The following PIAS2 variants were observed in gnomAD, a reference collection of about 807,000 sequenced individuals.
PIAS2 encodes the protein protein inhibitor of activated STAT 2, also known as E3 SUMO-protein ligase PIAS2.
A neutral mutation model predicts 69.7 loss-of-function variants in PIAS2; 19 were observed. The ratio of observed to expected loss-of-function variants is 0.27; its 90% confidence interval spans 0.19 to 0.40. The LOEUF is 0.40. PIAS2 is among the 10% of genes least tolerant of loss of function. The probability of loss-of-function intolerance (pLI) is 1.00; values close to 1 mark genes in which losing one functional copy is unlikely to be tolerated. For synonymous variants in PIAS2, 261 were observed against 263.2 expected, an observed-to-expected ratio of 0.99 and a Z score of 0.08; for missense variants, 624 against 757.0, an observed-to-expected ratio of 0.82 and a Z score of 2.06.
chr18:46,819,090 T>C (rs897683474), intron 12 of PIAS2, among the ~76,000 whole-genome samples: 1 of 152,142 alleles, frequency 6.6e-6, no homozygotes, highest in Non-Finnish European at 1.5e-5. Flanking sequence ...ATGCTACTGC[T>C]AAATGGTAGG....
At position 46,846,593 on chromosome 18, in the gene PIAS2, T is replaced by C. The variant is rs2046196975; in HGVS notation, c.861+114A>G. 5.6e-6 allele frequency: 6 copies of C among 1,070,418 alleles called. 1 individual carries two copies. Among genetic ancestry groups the C allele is most frequent in the Middle Eastern group, 4.5e-4 (2 of 4,460 alleles). 66.3% of individuals were successfully genotyped at this position (1,070,418 alleles called of 1,614,324 possible). ...CTCTAAACTGAAAATTACTGCTTTT[T>C]AGAGATTACAATCCAAAAACAGAAA... On this transcript the variant is annotated intron_variant, in intron 6 of 13. Coordinates refer to ENST00000585916, the MANE Select transcript of PIAS2 (RefSeq NM_004671.5).
chr18:46,832,391 G>C (rs1017300143), intron 9 of PIAS2, among the ~76,000 whole-genome samples: 4 of 151,716 alleles, frequency 2.6e-5, no homozygotes, highest in Non-Finnish European at 5.9e-5. Flanking sequence ...ACTCCAGCCT[G>C]GGCGACAGAG....
chr18:46,836,081 T>G (rs2044379318), intron 9 of PIAS2, among the ~76,000 whole-genome samples: 1 of 152,214 alleles, frequency 6.6e-6, no homozygotes, highest in Non-Finnish European at 1.5e-5. Context: ...AAAGCAAACT[T>G]TTCCCTCTTT....
chr18:46,840,270 CAA>C (rs776380049), intron 8 of PIAS2, among the ~76,000 whole-genome samples: 1 of 152,080 alleles, frequency 6.6e-6, no homozygotes, highest in Non-Finnish European at 1.5e-5. Context: ...TTTTAAAAGA[CAA>C]GAGTACACAA....
At chr18:46,857,818 G>A (rs989177514) in intron 3 of PIAS2, among the ~76,000 whole-genome samples, 6 of 152,160 alleles carry the variant, frequency 3.9e-5, no homozygotes, top group African/African-American at 1.2e-4. Flanking sequence ...ACTGTTCTAG[G>A]AAGTTTTACA....
At chr18:46,874,973 T>G (rs1206090423) in intron 2 of PIAS2, among the ~76,000 whole-genome samples, 2 of 151,876 alleles carry the variant, frequency 1.3e-5, no homozygotes, top group African/African-American at 2.4e-5. Context: ...GTGAAAGGAG[T>G]GGCTTCCACA....
intron 2 of PIAS2, among the ~76,000 whole-genome samples, chr18:46,873,817 G>A (rs1420977212): frequency 6.6e-6 from 1 of 152,154 alleles, no homozygotes; most frequent in Non-Finnish European, 1.5e-5. Context: ...ATAACCTTCA[G>A]ACCAAATAGC....
At chr18:46,865,761 G>A (rs529338435) in intron 2 of PIAS2, among the ~76,000 whole-genome samples, 6 of 152,210 alleles carry the variant, frequency 3.9e-5, no homozygotes, top group South Asian at 4.1e-4. Flanking sequence ...TTTTCAGAAC[G>A]CTTTAAAAAG....
intron 13 of PIAS2, among the ~76,000 whole-genome samples, chr18:46,814,980 A>G (rs1477510439): frequency 6.6e-6 from 1 of 152,236 alleles, no homozygotes; most frequent in Non-Finnish European, 1.5e-5. Context: ...TGTTTTAGCT[A>G]AAAAATAAAA....
rs776521125 is a variant in PIAS2 at position 46,890,563 on chromosome 18, A to C, written c.499+17T>G. 6.7e-7 allele frequency: 1 copy of C among 1,492,126 alleles called. No individual in the cohort carries two copies. The highest frequency in any genetic ancestry group is 9.3e-7 in the Non-Finnish European group (1 of 1,076,364). The allele number at this position is 1,492,126 out of a possible 1,614,324, so 92.4% of individuals were successfully genotyped here. On this transcript the variant is annotated intron_variant, in intron 2 of 13. Transcript: ENST00000585916. Reference sequence around the variant, plus strand: ...TTACTATCTTGTTCAGAAGAAACTGAATTCTCAAACACTTACCTAAACTCG... The same window carrying C: ...TTACTATCTTGTTCAGAAGAAACTGCATTCTCAAACACTTACCTAAACTCG...
Position 46,855,421 on chromosome 18 carries a change from T to C in PIAS2, c.650A>G (p.Glu217Gly). Residue 217 changes from glutamate to glycine, a missense_variant, in exon 5 of 14, where the codon GAG becomes GGG. Around this residue, in one of 3 missense-constraint regions of PIAS2, gnomAD observed 339 missense variants for 408.8 expected, o/e 0.83. Transcript: ENST00000585916. ...GTTATCTTCTTGAGGGCAACTTGTC[T>C]CTGCCAGGCAAAGTCTGCATTAATA... ...VQVQLRLCLA[E>G]TSCPQEDNYP... is the part of the protein sequence containing the mutation. 1 of 1,612,342 alleles carries C rather than the reference T, an allele frequency of 6.2e-7. No individual in the cohort carries two copies. Among genetic ancestry groups the C allele is most frequent in the Non-Finnish European group, 8.5e-7 (1 of 1,178,820 alleles).
intron 9 of PIAS2, among the ~76,000 whole-genome samples, chr18:46,834,820 A>G (rs917695509): frequency 6.6e-6 from 1 of 152,234 alleles, no homozygotes; most frequent in Non-Finnish European, 1.5e-5. Context: ...TAAGGCTGCT[A>G]AGAGGGCTGA....
intron 1 of PIAS2, among the ~76,000 whole-genome samples, chr18:46,900,684 A>G (rs928321475): frequency 7.4e-5 from 11 of 147,856 alleles, no homozygotes; most frequent in African/African-American, 2.7e-4. Flanking sequence ...TGAAAAAAAT[A>G]CAAAATAGAG....
intron 2 of PIAS2, among the ~76,000 whole-genome samples, chr18:46,869,413 T>C (rs1469794474): frequency 6.7e-6 from 1 of 149,658 alleles, no homozygotes; most frequent in Non-Finnish European, 1.5e-5. Context: ...AAGCAAGAAA[T>C]CTCTAATACA....
chr18:46,915,249 A>T (rs1467612344), intron 1 of PIAS2: 3 of 152,204 alleles, frequency 2.0e-5, no homozygotes, highest in African/African-American at 7.2e-5. Flanking sequence ...TAAGTATAGA[A>T]AAAATGCTTA....
At chr18:46,812,754 C>A in intron 13 of PIAS2, 142 bp from the exon 14 acceptor site, 4 of 551,428 alleles carry the variant, frequency 7.3e-6, no homozygotes, top group Non-Finnish European at 1.3e-5. Context: ...AACTTCACAT[C>A]TTTGGGTGGA....
chr18:46,840,287 A>G (rs1446654982), intron 8 of PIAS2, among the ~76,000 whole-genome samples: 1 of 152,252 alleles, frequency 6.6e-6, no homozygotes, highest in Non-Finnish European at 1.5e-5. Context: ...ACACAAGCAC[A>G]CATTCCATTA....
chr18:46,900,685 C>T (rs1018214955), intron 1 of PIAS2, among the ~76,000 whole-genome samples: 1 of 145,988 alleles, frequency 6.8e-6, no homozygotes, highest in Non-Finnish European at 1.5e-5. Context: ...GAAAAAAATA[C>T]AAAATAGAGG....
upstream of PIAS2, chr18:46,917,709 C>T (rs2058154960): frequency 6.3e-6 from 2 of 316,434 alleles, no homozygotes; most frequent in South Asian, 2.5e-4. Context: ...GAGGCCCCTG[C>T]GGACTGCCTA....
Sources: allele counts gnomAD v4.1 joint callset (sites outside exome capture counted in the v4.1 genomes callset), GRCh38; gene constraint gnomAD v4.1.1; regional missense constraint gnomAD v4.1.1; transcripts MANE v1.5; gene names NCBI Gene and HGNC (gene_info 2026-07-23, HGNC 2026-07-21).